CLDN10: variants seen among roughly 807,000 people sequenced by gnomAD.
CLDN10 encodes claudin 10.
CLDN10 carries 15 observed loss-of-function variants against 22.9 expected under a neutral mutation model. The ratio of observed to expected loss-of-function variants is 0.65; its 90% CI spans 0.44 to 1.01. CLDN10 has a LOEUF of 1.01. Among genes scored for constraint, CLDN10 ranks in the 50% least tolerant of loss-of-function variants. The pLI, the probability that CLDN10 is intolerant of heterozygous loss-of-function variation, is 0.00. For synonymous variants in CLDN10, 114 were observed against 111.4 expected (o/e 1.02, Z -0.15); for missense variants, 247 against 287.8 (o/e 0.86, Z 1.03).
chr13:95,515,424 TCCTGACCTCAAATGATCTG>T (rs1336186642), intron 1 of CLDN10, among the ~76,000 whole-genome samples: 1 of 152,212 alleles, frequency 6.6e-6, no homozygotes, highest in African/African-American at 2.4e-5. Flanking sequence ...GGTCTTGAAT[TCCTGACCTCAAATGATCTG>T]CCTGCGTTGG....
At chr13:95,543,019 G>A (rs2043474849) in intron 1 of CLDN10, among the ~76,000 whole-genome samples, 1 of 152,036 alleles carries the variant, frequency 6.6e-6, no homozygotes, top group African/African-American at 2.4e-5. Context: ...ATCACCTGAG[G>A]TCAGGAGTTT....
chr13:95,576,227 G>A (rs2043922570), intron 3 of CLDN10, among the ~76,000 whole-genome samples: 1 of 152,086 alleles, frequency 6.6e-6, no homozygotes, highest in Non-Finnish European at 1.5e-5. Flanking sequence ...CTAACCCTGG[G>A]CCCTGTCTTG....
intron 1 of CLDN10, among the ~76,000 whole-genome samples, chr13:95,488,220 G>A (rs1279622596): frequency 6.8e-6 from 1 of 146,426 alleles, no homozygotes; most frequent in East Asian, 2.0e-4. Context: ...CTTGACCTGG[G>A]TGACAGAGTG....
Position 95,457,067 on chromosome 13 carries a change from G to A in CLDN10, c.214+23020G>A, listed in dbSNP as rs144244935. ...CTTCCTCCCACAGCCTTCCTGTTGC[G>A]TCTCGGTCCCGCAAGTGTTCCTGTG... is the stretch of plus-strand genomic sequence containing the variant. On this transcript the variant is annotated intron_variant, in intron 1 of 4. Coordinates refer to the CLDN10 transcript ENST00000376873. 6.0e-4 allele frequency among the ~76,000 whole-genome samples: 91 copies of A among 152,186 alleles called. 2 individuals carry two copies. The East Asian group carries it at 0.013, about 22-fold the overall frequency.
chr13:95,503,770 A>C (rs978356259), intron 1 of CLDN10, among the ~76,000 whole-genome samples: 2 of 152,216 alleles, frequency 1.3e-5, no homozygotes, highest in Admixed American at 1.3e-4. Flanking sequence ...AATTCTACTT[A>C]TATAAGGCAC....
chr13:95,447,742 CGTGTGTGTGT>C (rs5805934), intron 1 of CLDN10, among the ~76,000 whole-genome samples: 9 of 147,542 alleles, frequency 6.1e-5, no homozygotes, highest in East Asian at 2.0e-4. Flanking sequence ...AGTGCACATG[CGTGTGTGTGT>C]GTGTGTGTGT....
At chr13:95,538,149 A>ATT (rs2043420171) in intron 1 of CLDN10, among the ~76,000 whole-genome samples, 9 of 60,618 alleles carry the variant, frequency 1.5e-4, no homozygotes, top group African/African-American at 2.6e-4. Context: ...CAAACTGTTT[A>ATT]TTTCTTTTTT....
chr13:95,572,860 C>T (rs757386263), intron 3 of CLDN10, among the ~76,000 whole-genome samples: 56 of 152,274 alleles, frequency 3.7e-4, no homozygotes, highest in Non-Finnish European at 7.2e-4. Flanking sequence ...CACCAGCTCC[C>T]CATGGATGGC....
intron 4 of CLDN10, 125 bp downstream of exon 4, chr13:95,577,463 G>T (rs987010064): frequency 2.9e-6 from 2 of 684,640 alleles, no homozygotes; most frequent in Non-Finnish European, 5.0e-6. Context: ...AATTGGAAAA[G>T]GTTAGCAGTA....
intron 1 of CLDN10, among the ~76,000 whole-genome samples, chr13:95,493,464 C>T (rs2042897181): frequency 6.6e-6 from 1 of 152,032 alleles, no homozygotes; most frequent in African/African-American, 2.4e-5. Flanking sequence ...GGTAACTCCC[C>T]ACTTCCCCTC....
intron 1 of CLDN10, among the ~76,000 whole-genome samples, chr13:95,471,372 G>A (rs200842109): frequency 2.7e-5 from 4 of 147,828 alleles, no homozygotes; most frequent in East Asian, 2.0e-4. Context: ...GTGTGTGTGT[G>A]TATATATATA....
chr13:95,558,755 G>C (rs1024773047), intron 1 of CLDN10, among the ~76,000 whole-genome samples: 11 of 152,116 alleles, frequency 7.2e-5, no homozygotes, highest in African/African-American at 9.7e-5. Context: ...GCGAGACACT[G>C]TCTCTATAAA....
intron 1 of CLDN10, among the ~76,000 whole-genome samples, chr13:95,514,930 A>G (rs975862288): frequency 2.6e-5 from 4 of 152,176 alleles, no homozygotes; most frequent in Non-Finnish European, 4.4e-5. Flanking sequence ...GATGGCGCTG[A>G]AGATGGTAAA....
intron 1 of CLDN10, among the ~76,000 whole-genome samples, chr13:95,516,826 T>C (rs1445388445): frequency 6.6e-6 from 1 of 152,142 alleles, no homozygotes. Flanking sequence ...CTTTGCTCTA[T>C]AAACCAAAAA....
Position 95,532,042 on chromosome 13 carries a change from C to T in CLDN10, c.215-28090C>T, listed in dbSNP as rs144981789. On this transcript the variant is annotated intron_variant, in intron 1 of 4. Coordinates refer to the CLDN10 transcript ENST00000376873. ...GGATCATAGGCCACATAAAAAACAG[C>T]TAAAAGCAAAGGGTTTAAAATGAAA... Among the ~76,000 whole-genome samples, 159 of 152,026 alleles carry T rather than the reference C, an allele frequency of 1.0e-3. 1 individual carries two copies. The highest frequency in any genetic ancestry group is 3.7e-3 in the African/African-American group (154 of 41,456).
At position 95,568,451 on chromosome 13, in the gene CLDN10, T is replaced by G. The variant is rs150253253; in HGVS notation, c.464+7988T>G. On this transcript the variant is annotated intron_variant, in intron 3 of 4. Coordinates refer to ENST00000299339, the MANE Select transcript of CLDN10 (RefSeq NM_006984.5). ...TGCTGACCAGTGCATGACATCATGATTTCTGCCAGCGTGCCCTGCTTTCTG... is the reference window on the plus strand; with the variant it reads ...TGCTGACCAGTGCATGACATCATGAGTTCTGCCAGCGTGCCCTGCTTTCTG... Among the ~76,000 whole-genome samples the G allele has an allele frequency of 4.4e-4, 67 of 152,238 alleles. No homozygotes were observed. The South Asian group carries it at 6.0e-3, about 14-fold the overall frequency.
At chr13:95,518,871 T>C (rs539086928) in intron 1 of CLDN10, among the ~76,000 whole-genome samples, 11 of 152,348 alleles carry the variant, frequency 7.2e-5, no homozygotes, top group Admixed American at 6.5e-4. Flanking sequence ...CTCAATGATG[T>C]GATCAGCGCT....
chr13:95,442,080 G>A, intron 1 of CLDN10, among the ~76,000 whole-genome samples: 1 of 152,202 alleles, frequency 6.6e-6, no homozygotes, highest in East Asian at 1.9e-4. Context: ...GAGCCAGGGA[G>A]GTCAAGGCTG....
chr13:95,546,011 C>A (rs1001079910), intron 1 of CLDN10, among the ~76,000 whole-genome samples: 1 of 152,160 alleles, frequency 6.6e-6, no homozygotes, highest in Admixed American at 6.6e-5. Context: ...AGTGAGTGAG[C>A]CTTGCTCAGG....
Sources: gnomAD v4.1 joint callset for allele counts (sites outside exome capture counted in the v4.1 genomes callset) on GRCh38, gnomAD v4.1.1 for gene constraint, MANE v1.5 for transcripts, NCBI Gene and HGNC (gene_info 2026-07-23, HGNC 2026-07-21) for gene names.